LRP1B: variants seen among roughly 807,000 people sequenced by gnomAD.
The protein encoded by LRP1B is LDL receptor related protein 1B, also known as low-density lipoprotein receptor-related protein 1B.
Under a neutral mutation model 556.6 loss-of-function variants are expected in LRP1B, and 217 were observed. The ratio of observed to expected loss-of-function variants is 0.39; its 90% CI spans 0.35 to 0.44. The LOEUF (loss-of-function observed/expected upper bound fraction) is 0.44, where lower values mean the gene tolerates loss of function less well. Among genes scored for constraint, LRP1B ranks in the 20% least tolerant of loss-of-function variants. LRP1B has a pLI of 1.00. For missense variants in LRP1B, 5,053 were observed against 5,620.8 expected (o/e 0.90, Z 3.23); for synonymous variants, 2,047 against 1,865.8 (o/e 1.10, Z -2.50).
chr2:140,611,144 T>C (rs942711946), intron 41 of LRP1B, among the ~76,000 whole-genome samples: 4 of 152,198 alleles, frequency 2.6e-5, no homozygotes, highest in African/African-American at 9.7e-5. Flanking sequence ...CTAGAAATAA[T>C]AGGAATTATG....
At chr2:141,596,980 TA>T (rs1005118041) in intron 2 of LRP1B, among the ~76,000 whole-genome samples, 4 of 151,398 alleles carry the variant, frequency 2.6e-5, no homozygotes, top group South Asian at 4.2e-4. Context: ...CATATATATG[TA>T]AAAAAAAGTC....
In LRP1B at chr2:140,456,623, A is replaced by G. The variant is rs1290349667; in HGVS notation, c.9815-20T>C. 6.2e-7 allele frequency: 1 copy of G among 1,600,202 alleles called. No individual in the cohort carries two copies. The highest frequency in any genetic ancestry group is 8.5e-7 in the Non-Finnish European group (1 of 1,172,396). On this transcript the variant is annotated intron_variant, in intron 61 of 90. Coordinates refer to ENST00000389484, the MANE Select transcript of LRP1B (RefSeq NM_018557.3). ...TGGAGACTAAAGATAAGAAAGAAAC[A>G]ACAACAACAAAACAGGATAATCAAG...
chr2:141,283,782 G>A (rs1195015815), intron 3 of LRP1B, among the ~76,000 whole-genome samples: 2 of 150,884 alleles, frequency 1.3e-5, no homozygotes, highest in Non-Finnish European at 2.9e-5. Flanking sequence ...TTTTAGTAGA[G>A]ACGTGGTTTC....
At position 140,779,159 on chromosome 2, in the gene LRP1B, G is replaced by GA. The variant is rs1304653304; in HGVS notation, c.5360-2922dup. On this transcript the variant is annotated intron_variant, in intron 32 of 90. Coordinates refer to ENST00000389484, the MANE Select transcript of LRP1B (RefSeq NM_018557.3). Reference sequence around the variant, plus strand: ...AAGTGATTCACCAGCAAAAAGAATAGAAAAAATGAATATATGCATGTAACA... The same window carrying GA: ...AAGTGATTCACCAGCAAAAAGAATAGAAAAAAATGAATATATGCATGTAACA... Among the ~76,000 whole-genome samples the GA allele has an allele frequency of 3.3e-5, 5 of 151,810 alleles. No homozygotes were observed. The East Asian group carries it at 5.8e-4, about 18-fold the overall frequency.
chr2:140,727,967 C>A (rs1687651456), intron 35 of LRP1B, among the ~76,000 whole-genome samples: 1 of 152,050 alleles, frequency 6.6e-6, no homozygotes, highest in South Asian at 2.1e-4. Context: ...GAATTCCAAC[C>A]TTGTAAGTAA....
intron 7 of LRP1B, among the ~76,000 whole-genome samples, chr2:141,112,241 T>C (rs572854560): frequency 6.6e-6 from 1 of 152,238 alleles, no homozygotes; most frequent in East Asian, 1.9e-4. Context: ...ATGAACATGC[T>C]CAGAAATCAA....
At chr2:140,356,188 C>G (rs942985264) in intron 75 of LRP1B, among the ~76,000 whole-genome samples, 154 bp downstream of exon 75, 1 of 151,552 alleles carries the variant, frequency 6.6e-6, no homozygotes, top group Non-Finnish European at 1.5e-5. Context: ...AGCTCTTGAC[C>G]CCAGAGACTT....
intron 7 of LRP1B, among the ~76,000 whole-genome samples, chr2:141,071,489 G>A (rs1699641508): frequency 6.6e-6 from 1 of 152,066 alleles, no homozygotes; most frequent in African/African-American, 2.4e-5. Context: ...CAACAGTGTT[G>A]GAAGTTCTGG....
Position 141,420,609 on chromosome 2 carries a change from A to G in LRP1B, c.343+59787T>C, listed in dbSNP as rs6736657. Among the ~76,000 whole-genome samples the G allele has an allele frequency of 6.3e-3, 952 of 152,290 alleles. 11 individuals are homozygous for G. Among genetic ancestry groups the G allele is most frequent in the African/African-American group, 0.022 (916 of 41,558 alleles). On this transcript the variant is annotated intron_variant, in intron 3 of 90. Transcript: ENST00000389484. ...ATCTGAAGTATGCCAACACATTGTC[A>G]GTGTACCAAGGCAGGTAAGACATAT...
intron 7 of LRP1B, among the ~76,000 whole-genome samples, chr2:141,124,019 G>T (rs1409780712): frequency 6.6e-6 from 1 of 152,056 alleles, no homozygotes; most frequent in Non-Finnish European, 1.5e-5. Flanking sequence ...GTGAATAAGA[G>T]GGAGAGAGAA....
At chr2:141,334,247 A>G (rs1400876704) in intron 3 of LRP1B, among the ~76,000 whole-genome samples, 2 of 152,212 alleles carry the variant, frequency 1.3e-5, no homozygotes, top group Admixed American at 6.5e-5. Flanking sequence ...TGACTGGATC[A>G]TGTGGGCAGT....
chr2:141,412,000 G>A (rs934451171), intron 3 of LRP1B, among the ~76,000 whole-genome samples: 7 of 151,732 alleles, frequency 4.6e-5, no homozygotes, highest in African/African-American at 1.7e-4. Context: ...AGATTGTCTT[G>A]AAATATAAAA....
At chr2:142,122,354 T>A (rs1011814055) in intron 1 of LRP1B, among the ~76,000 whole-genome samples, 1 of 152,126 alleles carries the variant, frequency 6.6e-6, no homozygotes, top group Non-Finnish European at 1.5e-5. Flanking sequence ...ACTGTAGAAT[T>A]GAGTGTAATA....
At chr2:141,652,113 C>T (rs1689814198) in intron 2 of LRP1B, among the ~76,000 whole-genome samples, 1 of 152,168 alleles carries the variant, frequency 6.6e-6, no homozygotes, top group Non-Finnish European at 1.5e-5. Flanking sequence ...CCCAAGGAGA[C>T]ATCTCTCCTC....
chr2:140,800,228 T>C (rs2087025), intron 32 of LRP1B, among the ~76,000 whole-genome samples: 58,930 of 151,644 alleles, frequency 0.39, 13,634 homozygotes, highest in East Asian at 0.61. Context: ...AAGGGGAACA[T>C]CACACACTGG....
At chr2:141,784,377 C>T (rs973476163) in intron 2 of LRP1B, among the ~76,000 whole-genome samples, 1 of 151,914 alleles carries the variant, frequency 6.6e-6, no homozygotes, top group African/African-American at 2.4e-5. Flanking sequence ...CATTTCTGTA[C>T]ACTGTGGAAT....
At chr2:140,809,687 T>C (rs1048379208) in intron 32 of LRP1B, among the ~76,000 whole-genome samples, 8 of 152,268 alleles carry the variant, frequency 5.3e-5, no homozygotes, top group African/African-American at 1.7e-4. Flanking sequence ...CATAAAACAT[T>C]TATTGTCTCA....
chr2:140,577,830 T>G (rs1347305806), intron 43 of LRP1B, among the ~76,000 whole-genome samples: 1 of 152,300 alleles, frequency 6.6e-6, no homozygotes, highest in Admixed American at 6.5e-5. Flanking sequence ...ATTTTAGTCA[T>G]ATATAGTGGC....
At chr2:140,248,703 T>C (rs1681277368) in intron 86 of LRP1B, among the ~76,000 whole-genome samples, 1 of 151,640 alleles carries the variant, frequency 6.6e-6, no homozygotes, top group Non-Finnish European at 1.5e-5. Context: ...TATTTGCAGA[T>C]GAATGATCTA....
Sources: gnomAD v4.1 joint callset for allele counts (sites outside exome capture counted in the v4.1 genomes callset) on GRCh38, gnomAD v4.1.1 for gene constraint, MANE v1.5 for transcripts, NCBI Gene and HGNC (gene_info 2026-07-23, HGNC 2026-07-21) for gene names.